Variants in FARS2 observed in about 807,000 individuals in gnomAD.
The protein encoded by FARS2 is phenylalanyl-tRNA synthetase 2, mitochondrial, also known as phenylalanine--tRNA ligase, mitochondrial.
In FARS2, 40 loss-of-function variants were observed where a neutral mutation model predicts 46.4. The ratio of observed to expected loss-of-function variants is 0.86; its 90% CI spans 0.67 to 1.12. The LOEUF is 1.12. Ranked by LOEUF, FARS2 falls within the 50% of genes most tolerant of loss-of-function variation. The pLI is 0.00. For synonymous variants in FARS2, 234 were observed against 214.9 expected (o/e 1.09, Z -0.78); for missense variants, 513 against 567.9 (o/e 0.90, Z 0.98).
chr6:5,345,988 G>A (rs1300737369), intron 1 of FARS2, among the ~76,000 whole-genome samples: 3 of 152,186 alleles, frequency 2.0e-5, no homozygotes, highest in Non-Finnish European at 2.9e-5. Context: ...AGGAGTACTG[G>A]GGATGGTGGC....
intron 6 of FARS2, among the ~76,000 whole-genome samples, chr6:5,722,414 CA>C (rs1759971293): frequency 6.6e-6 from 1 of 152,148 alleles, no homozygotes; most frequent in South Asian, 2.1e-4. Flanking sequence ...CAAAATACAT[CA>C]GGGGTGCTGT....
chr6:5,322,426 A>T (rs2127566193), intron 1 of FARS2, among the ~76,000 whole-genome samples: 1 of 152,340 alleles, frequency 6.6e-6, no homozygotes, highest in Admixed American at 6.5e-5. Flanking sequence ...TGGTGATATG[A>T]TGAGGAAGCA....
intron 5 of FARS2, among the ~76,000 whole-genome samples, chr6:5,590,578 A>G (rs1284076475): frequency 6.6e-6 from 1 of 152,178 alleles, no homozygotes; most frequent in African/African-American, 2.4e-5. Context: ...GCATCTGTTG[A>G]TGTGGATTTG....
intron 1 of FARS2, among the ~76,000 whole-genome samples, chr6:5,292,331 A>C (rs1767561990): frequency 6.6e-6 from 1 of 152,238 alleles, no homozygotes; most frequent in African/African-American, 2.4e-5. Context: ...CAGCCTGGAG[A>C]GCAGGCCAGA....
chr6:5,321,036 A>G (rs1052991663), intron 1 of FARS2, among the ~76,000 whole-genome samples: 1 of 152,164 alleles, frequency 6.6e-6, no homozygotes, highest in East Asian at 1.9e-4. Context: ...TCTCAACTAT[A>G]TTGGAAATGT....
intron 4 of FARS2, among the ~76,000 whole-genome samples, chr6:5,492,088 G>A (rs529521751): frequency 1.8e-4 from 28 of 152,042 alleles, no homozygotes; most frequent in Non-Finnish European, 3.4e-4. Flanking sequence ...TCTATGAAAC[G>A]GTATGTGCAT....
At chr6:5,295,474 T>G (rs573292897) in intron 1 of FARS2, among the ~76,000 whole-genome samples, 1 of 152,126 alleles carries the variant, frequency 6.6e-6, no homozygotes, top group Non-Finnish European at 1.5e-5. Flanking sequence ...ACTCTCCTTT[T>G]GTGTGTGCTT....
At chr6:5,270,011 A>G (rs940866064) in intron 1 of FARS2, among the ~76,000 whole-genome samples, 2 of 152,252 alleles carry the variant, frequency 1.3e-5, no homozygotes, top group Non-Finnish European at 2.9e-5. Flanking sequence ...TAAGAGTTAT[A>G]AAAGCCTGGC....
At chr6:5,537,451 G>A (rs920814356) in intron 4 of FARS2, among the ~76,000 whole-genome samples, 3 of 134,618 alleles carry the variant, frequency 2.2e-5, no homozygotes, top group African/African-American at 5.6e-5. Context: ...GAGATGTCCC[G>A]GGCCTCCTCT....
At chr6:5,546,451 C>T (rs993784529) in intron 5 of FARS2, among the ~76,000 whole-genome samples, 2 of 151,564 alleles carry the variant, frequency 1.3e-5, no homozygotes, top group South Asian at 2.1e-4. Flanking sequence ...GGGGTTTCAC[C>T]ATGTTGGCCA....
chr6:5,701,159 C>T (rs752130546), intron 6 of FARS2, among the ~76,000 whole-genome samples: 7 of 152,218 alleles, frequency 4.6e-5, no homozygotes, highest in Middle Eastern at 3.2e-3. Flanking sequence ...GTGCAGTCAC[C>T]GTGGGCGCCA....
chr6:5,525,722 G>A (rs1034366463), intron 4 of FARS2, among the ~76,000 whole-genome samples: 3 of 152,208 alleles, frequency 2.0e-5, no homozygotes, highest in Non-Finnish European at 4.4e-5. Flanking sequence ...GGAATAGATT[G>A]GATCAAGATG....
chr6:5,408,165 A>AT (rs1415515350), intron 3 of FARS2, among the ~76,000 whole-genome samples: 1 of 152,238 alleles, frequency 6.6e-6, no homozygotes, highest in Non-Finnish European at 1.5e-5. Context: ...TCAAAGAGCC[A>AT]TGGAGCCTTG....
rs547054279 is a variant in FARS2, at chr6:5,479,615, C to T, written c.904+48443C>T. Among the ~76,000 whole-genome samples the T allele has an allele frequency of 3.9e-5, 6 of 152,306 alleles. No individual in the cohort carries two copies. In the South Asian group the frequency reaches 1.0e-3, roughly 26 times the overall value. On this transcript the variant is annotated intron_variant, in intron 4 of 6. Coordinates refer to ENST00000274680, the MANE Select transcript of FARS2 (RefSeq NM_006567.5). ...CATTATATATCCACAGAAGTTATAA[C>T]TTCTTATAACAAATGCTGTTACAGC...
chr6:5,593,328 A>G (rs1774026316), intron 5 of FARS2, among the ~76,000 whole-genome samples: 2 of 152,108 alleles, frequency 1.3e-5, no homozygotes, highest in Admixed American at 1.3e-4. Flanking sequence ...GCCTTTCCAA[A>G]CACAGAGGTG....
At chr6:5,420,633 G>A (rs1762492419) in intron 3 of FARS2, among the ~76,000 whole-genome samples, 1 of 152,180 alleles carries the variant, frequency 6.6e-6, no homozygotes, top group African/African-American at 2.4e-5. Context: ...TCACATACAG[G>A]TCCTGCTGAT....
chr6:5,617,624 T>A (rs1775545432), intron 6 of FARS2, among the ~76,000 whole-genome samples: 1 of 152,240 alleles, frequency 6.6e-6, no homozygotes, highest in Admixed American at 6.5e-5. Context: ...TTTCCAGAAG[T>A]TTCTTTAAAA....
At chr6:5,607,285 A>ATG (rs200898031) in intron 5 of FARS2, among the ~76,000 whole-genome samples, 1,585 of 74,958 alleles carry the variant, frequency 0.021, 12 homozygotes, top group Middle Eastern at 0.093. Flanking sequence ...AATAATATGT[A>ATG]TGTGTGTGTG....
intron 6 of FARS2, among the ~76,000 whole-genome samples, chr6:5,633,976 G>A (rs1176906061): frequency 6.6e-6 from 1 of 152,006 alleles, no homozygotes; most frequent in African/African-American, 2.4e-5. Flanking sequence ...TTCATCATAT[G>A]TGGGGCATAA....
Sources: allele counts gnomAD v4.1 joint callset (sites outside exome capture counted in the v4.1 genomes callset), GRCh38; gene constraint gnomAD v4.1.1; transcripts MANE v1.5; gene names NCBI Gene and HGNC (gene_info 2026-07-23, HGNC 2026-07-21).